COL4A2: variants seen among roughly 807,000 people sequenced by gnomAD.
COL4A2 encodes collagen type IV alpha 2 chain, also known as collagen alpha-2(IV) chain.
COL4A2 carries 99 observed loss-of-function variants against 200.2 expected under a neutral mutation model. That is an observed-to-expected ratio of 0.49 (90% CI 0.42 to 0.58). COL4A2 has a LOEUF of 0.58. Among genes scored for constraint, COL4A2 ranks in the 20% least tolerant of loss-of-function variants. The pLI is 0.00. For synonymous variants in COL4A2, 897 were observed against 900.6 expected (o/e 1.00, Z 0.07); for missense variants, 1,950 against 2,314.1 (o/e 0.84, Z 3.23).
At chr13:110,398,978 C>T (rs551754919) in intron 4 of COL4A2, among the ~76,000 whole-genome samples, 15 of 152,112 alleles carry the variant, frequency 9.9e-5, no homozygotes, top group South Asian at 2.1e-4. Context: ...CCACAAATTC[C>T]TGCCGGTTTT....
rs746902322 is a variant in COL4A2 at position 110,482,622 on chromosome 13, C to T, written c.2865C>T (p.Pro955=). 7.7e-5 allele frequency: 124 copies of T among 1,613,928 alleles called. No homozygotes were observed. In the Admixed American group the frequency reaches 1.5e-3, roughly 20 times the overall value. The stretch of plus-strand genomic sequence containing the variant: ...GCGAGGCTGGATTTTTCGGAATACC[C>T]GGTCTGAAGGGTCTGGCTGGTGAGC... ...SKGEAGFFGI[P]GLKGLAGEPG... Residue 955 remains proline, a synonymous_variant, in exon 32 of 48, where the codon CCC becomes CCT. Transcript: ENST00000360467.
intron 3 of COL4A2, among the ~76,000 whole-genome samples, chr13:110,355,379 C>CTG (rs1391777794): frequency 1.1e-5 from 1 of 93,270 alleles, no homozygotes; most frequent in Non-Finnish European, 1.9e-5. Context: ...ACTAGCTCAC[C>CTG]TGTGTGGGGG....
chr13:110,448,755 G>A (rs181691509), intron 18 of COL4A2, among the ~76,000 whole-genome samples: 760 of 152,356 alleles, frequency 5.0e-3, no homozygotes, highest in Non-Finnish European at 7.9e-3. Context: ...CACACTGTGT[G>A]CCAGGCGATG....
At chr13:110,432,282 G>A (rs1208445244) in intron 10 of COL4A2, 43 bp from the exon 11 acceptor site, 10 of 1,585,892 alleles carry the variant, frequency 6.3e-6, no homozygotes, top group Non-Finnish European at 6.8e-6. Flanking sequence ...TCTGGGTCCT[G>A]GGGTAAAGAA....
intron 7 of COL4A2, 33 bp from the exon 8 acceptor site, chr13:110,429,852 G>GT (rs769617207): frequency 9.3e-6 from 15 of 1,606,386 alleles, no homozygotes; most frequent in Admixed American, 3.3e-5. Context: ...TCTTTTTGTT[G>GT]TTTTTTCTTT....
At position 110,512,479 on chromosome 13, in the gene COL4A2, C is replaced by G. The variant is rs1404677971; in HGVS notation, c.*288C>G. The G allele has an allele frequency of 1.5e-5, 7 of 474,218 alleles. No homozygotes were observed. In the Admixed American group the frequency reaches 2.7e-4, roughly 19 times the overall value. The allele number at this position is 474,218 out of a possible 1,614,324, so 29.4% of individuals were successfully genotyped here. A position where few individuals can be genotyped will look rare whatever the true frequency, so the allele number is the denominator to read the frequency against. Reference sequence around the variant, plus strand: ...GGCACAGCTAACCACTTCGCACACACCCATGTAACCACTGCACTTTCCAAT... The same window carrying G: ...GGCACAGCTAACCACTTCGCACACAGCCATGTAACCACTGCACTTTCCAAT... On this transcript the variant is annotated 3_prime_UTR_variant, in exon 48 of 48. Transcript: ENST00000360467.
chr13:110,409,541 C>T (rs981299887), intron 4 of COL4A2, among the ~76,000 whole-genome samples: 6 of 152,246 alleles, frequency 3.9e-5, no homozygotes, highest in African/African-American at 1.4e-4. Context: ...CCTTCTATTT[C>T]GTGGATGAAA....
chr13:110,437,614 T>C (rs1388696505), intron 13 of COL4A2, among the ~76,000 whole-genome samples: 1 of 152,228 alleles, frequency 6.6e-6, no homozygotes, highest in African/African-American at 2.4e-5. Flanking sequence ...TATCTTTTTC[T>C]CAGAGGGCCT....
Position 110,428,504 on chromosome 13 carries a change from G to C in COL4A2, c.398G>C (p.Gly133Ala). 1.3e-6 allele frequency: 2 copies of C among 1,586,080 alleles called. No homozygotes were observed. Among genetic ancestry groups the C allele is most frequent in the African/African-American group, 1.4e-5 (1 of 72,588 alleles). ...CAAGGTGGGCCCAGGGGAAGGCCGG[G>C]CTACGATGGCTGCAACGGAACCCAG... ...PGQGGPRGRP[G>A]YDGCNGTQGD... The change falls in exon 7 of 48, where the codon GGC becomes GCC. Residue 133 changes from glycine to alanine, a missense_variant. Coordinates refer to ENST00000360467, the MANE Select transcript of COL4A2 (RefSeq NM_001846.4).
At chr13:110,344,965 C>G (rs1876632185) in intron 3 of COL4A2, among the ~76,000 whole-genome samples, 1 of 152,104 alleles carries the variant, frequency 6.6e-6, no homozygotes, top group Admixed American at 6.5e-5. Context: ...GAGTGGTCTG[C>G]CCCAGCTCTG....
rs536566669 is a variant in COL4A2 at position 110,462,090 on chromosome 13, TA to T, written c.1597-23del. 4.2e-4 allele frequency: 674 copies of T among 1,614,066 alleles called. 2 individuals carry two copies. In the African/African-American group the frequency reaches 8.2e-3, roughly 20 times the overall value. On this transcript the variant is annotated intron_variant, in intron 22 of 47. Transcript: ENST00000360467. ...GCCCTCACAGTACAAAGAAGGAAGA[TA>T]TTTTTTTGTCTGTTTTCCACAGGGA...
At chr13:110,351,603 A>G (rs1429398462) in intron 3 of COL4A2, among the ~76,000 whole-genome samples, 5 of 152,236 alleles carry the variant, frequency 3.3e-5, no homozygotes, top group African/African-American at 1.2e-4. Flanking sequence ...TTTTGGTTCC[A>G]CAACACTAAA....
At chr13:110,351,186 CCACAGGCGTGCA>C (rs1210393134) in intron 3 of COL4A2, among the ~76,000 whole-genome samples, 3 of 152,024 alleles carry the variant, frequency 2.0e-5, no homozygotes, top group Non-Finnish European at 2.9e-5. Context: ...GCAGCTGGGA[CCACAGGCGTGCA>C]CCACCACACC....
At chr13:110,322,310 G>A (rs965215752) in intron 3 of COL4A2, among the ~76,000 whole-genome samples, 35 of 152,204 alleles carry the variant, frequency 2.3e-4, no homozygotes, top group African/African-American at 8.4e-4. Context: ...CTCTCCCGAA[G>A]GAGGTTGGCT....
intron 3 of COL4A2, among the ~76,000 whole-genome samples, chr13:110,342,540 C>T (rs1876505260): frequency 6.6e-6 from 1 of 152,212 alleles, no homozygotes; most frequent in African/African-American, 2.4e-5. Context: ...TGGGTACTTC[C>T]TGCCGGGAGC....
intron 4 of COL4A2, among the ~76,000 whole-genome samples, chr13:110,385,404 A>G (rs1878649778): frequency 1.3e-5 from 2 of 148,360 alleles, no homozygotes; most frequent in African/African-American, 2.5e-5. Context: ...GTTGGAGGTT[A>G]CAGTGTGTGG....
intron 3 of COL4A2, among the ~76,000 whole-genome samples, chr13:110,331,315 C>T (rs1875901402): frequency 1.3e-5 from 2 of 152,214 alleles, no homozygotes; most frequent in Admixed American, 1.3e-4. Context: ...CCCAAATCTC[C>T]ATAATAATTT....
chr13:110,496,277 C>A (rs1883450882), intron 40 of COL4A2, among the ~76,000 whole-genome samples: 1 of 152,248 alleles, frequency 6.6e-6, no homozygotes. Flanking sequence ...AGGAGGCCAG[C>A]AACCCTGGCT....
At chr13:110,336,366 G>A (rs576794043) in intron 3 of COL4A2, among the ~76,000 whole-genome samples, 10 of 152,270 alleles carry the variant, frequency 6.6e-5, no homozygotes, top group Admixed American at 1.3e-4. Context: ...AATGGGAAGC[G>A]AATATCAAAA....
Sources: allele counts gnomAD v4.1 joint callset (sites outside exome capture counted in the v4.1 genomes callset), GRCh38; gene constraint gnomAD v4.1.1; transcripts MANE v1.5; gene names NCBI Gene and HGNC (gene_info 2026-07-23, HGNC 2026-07-21).